The following MARCHF1 variants were observed in gnomAD, a reference collection of about 807,000 sequenced individuals.
MARCHF1 encodes the protein membrane associated ring-CH-type finger 1, also known as E3 ubiquitin-protein ligase MARCHF1.
MARCHF1 carries 40 observed loss-of-function variants against 54.2 expected under a neutral mutation model. The ratio of observed to expected loss-of-function variants is 0.74; its 90% CI spans 0.57 to 0.96. The LOEUF (loss-of-function observed/expected upper bound fraction) is 0.96, where lower values mean the gene tolerates loss of function less well. Ranked by LOEUF, MARCHF1 falls within the 40% of genes least tolerant of loss-of-function variation. The pLI is 0.00. For missense variants in MARCHF1, 586 were observed against 656.5 expected, an observed-to-expected ratio of 0.89 and a Z score of 1.17; for synonymous variants, 236 against 236.3, an observed-to-expected ratio of 1.00 and a Z score of 0.01.
At chr4:164,328,281 A>C (rs1284982523) in intron 1 of MARCHF1, among the ~76,000 whole-genome samples, 1 of 152,208 alleles carries the variant, frequency 6.6e-6, no homozygotes, top group Non-Finnish European at 1.5e-5. Context: ...ACTTTTTGAC[A>C]CACAAACAGC....
At chr4:163,988,250 A>G (rs1752907191) in intron 3 of MARCHF1, among the ~76,000 whole-genome samples, 1 of 152,210 alleles carries the variant, frequency 6.6e-6, no homozygotes, top group East Asian at 1.9e-4. Flanking sequence ...TGTTTAGAAA[A>G]AGAGGCAAAA....
intron 1 of MARCHF1, among the ~76,000 whole-genome samples, chr4:164,182,532 C>A (rs1025328823): frequency 5.3e-5 from 8 of 151,780 alleles, no homozygotes; most frequent in Non-Finnish European, 8.8e-5. Context: ...TCCTTCCATC[C>A]TTCCTTCCTT....
rs150650389 is a variant in MARCHF1 at position 163,726,882 on chromosome 4, G to A, written c.112-26019C>T. 2.9e-4 allele frequency among the ~76,000 whole-genome samples: 44 copies of A among 152,264 alleles called. No homozygotes were observed. In the East Asian group the frequency reaches 6.9e-3, roughly 24 times the overall value. Reference sequence around the variant, plus strand: ...CTCTTCATATGCTTATTTGCCATCTGTTCATGTATTTGGCCCATTTTTAAT... The same window carrying A: ...CTCTTCATATGCTTATTTGCCATCTATTCATGTATTTGGCCCATTTTTAAT... On this transcript the variant is annotated intron_variant, in intron 4 of 9. Transcript: ENST00000514618.
intron 5 of MARCHF1, among the ~76,000 whole-genome samples, chr4:163,636,369 C>T (rs1742324439): frequency 7.0e-6 from 1 of 142,552 alleles, no homozygotes; most frequent in South Asian, 2.3e-4. Context: ...CCAAAGTCTC[C>T]TTAAGCTGAT....
chr4:164,362,165 A>G (rs1185330553), intron 1 of MARCHF1, among the ~76,000 whole-genome samples: 1 of 152,178 alleles, frequency 6.6e-6, no homozygotes, highest in Non-Finnish European at 1.5e-5. Flanking sequence ...ACTGGCTTGT[A>G]TAGAAAACCT....
At chr4:164,254,028 G>A (rs372812086) in intron 1 of MARCHF1, among the ~76,000 whole-genome samples, 46 of 152,258 alleles carry the variant, frequency 3.0e-4, no homozygotes, top group African/African-American at 1.1e-3. Flanking sequence ...ACTGAAAAGA[G>A]ATAATATGAA....
At chr4:164,205,701 C>G (rs1395924551) in intron 1 of MARCHF1, among the ~76,000 whole-genome samples, 1 of 150,774 alleles carries the variant, frequency 6.6e-6, no homozygotes, top group East Asian at 2.0e-4. Context: ...GCTCTTACTA[C>G]CCAAGGTTGA....
chr4:163,537,429 T>C (rs1738572299), intron 9 of MARCHF1, among the ~76,000 whole-genome samples: 3 of 152,204 alleles, frequency 2.0e-5, no homozygotes, highest in Admixed American at 2.0e-4. Context: ...TCCTCAGTCA[T>C]ATATAAAGCT....
intron 1 of MARCHF1, among the ~76,000 whole-genome samples, chr4:164,337,834 A>C (rs1055299749): frequency 6.6e-6 from 1 of 152,212 alleles, no homozygotes; most frequent in African/African-American, 2.4e-5. Context: ...CTGGGGGAAA[A>C]AAAAATGAAA....
intron 1 of MARCHF1, among the ~76,000 whole-genome samples, chr4:164,263,116 C>A (rs1223156689): frequency 6.0e-5 from 9 of 150,126 alleles, no homozygotes; most frequent in Non-Finnish European, 1.2e-4. Context: ...AGCTATTTTT[C>A]AAGGTACATG....
chr4:164,371,407 A>C (rs1387529644), intron 1 of MARCHF1, among the ~76,000 whole-genome samples: 1 of 152,252 alleles, frequency 6.6e-6, no homozygotes, highest in African/African-American at 2.4e-5. Flanking sequence ...ACTGAGCATA[A>C]CAAAATTTCA....
intron 1 of MARCHF1, among the ~76,000 whole-genome samples, chr4:164,182,301 C>A (rs1198613000): frequency 9.0e-6 from 1 of 111,614 alleles, no homozygotes; most frequent in Non-Finnish European, 1.7e-5. Context: ...CTAAACTTGA[C>A]TAATAAATAT....
At chr4:163,550,511 T>C (rs866061896) in intron 8 of MARCHF1, among the ~76,000 whole-genome samples, 8,067 of 127,384 alleles carry the variant, frequency 0.063, 303 homozygotes, top group Middle Eastern at 0.11. Flanking sequence ...GTAGCCCTTT[T>C]TTTTTTTTTT....
At chr4:164,028,905 T>C (rs572654799) in intron 2 of MARCHF1, among the ~76,000 whole-genome samples, 9 of 152,324 alleles carry the variant, frequency 5.9e-5, no homozygotes, top group South Asian at 2.1e-4. Context: ...TGTGGTCATA[T>C]AGACTTCAGT....
intron 5 of MARCHF1, among the ~76,000 whole-genome samples, chr4:163,662,479 T>A (rs1743375715): frequency 6.6e-6 from 1 of 152,056 alleles, no homozygotes; most frequent in African/African-American, 2.4e-5. Context: ...ATTTTTTATT[T>A]CTGCTCTCAT....
chr4:164,025,916 A>G (rs1020299884), intron 2 of MARCHF1, among the ~76,000 whole-genome samples: 1 of 152,068 alleles, frequency 6.6e-6, no homozygotes, highest in African/African-American at 2.4e-5. Flanking sequence ...AGAAATATAA[A>G]AGATTATCAG....
intron 4 of MARCHF1, among the ~76,000 whole-genome samples, chr4:163,716,007 T>C (rs1446397316): frequency 6.6e-6 from 1 of 152,172 alleles, no homozygotes; most frequent in African/African-American, 2.4e-5. Flanking sequence ...TGCAAGAAGA[T>C]GGATATGTGC....
intron 4 of MARCHF1, among the ~76,000 whole-genome samples, chr4:163,738,933 T>A (rs1045815300): frequency 3.3e-5 from 5 of 152,180 alleles, no homozygotes. Flanking sequence ...CTGCTGCCCA[T>A]ACCCAAGACT....
chr4:164,164,108 A>G (rs1320042429), intron 1 of MARCHF1, among the ~76,000 whole-genome samples: 1 of 152,016 alleles, frequency 6.6e-6, no homozygotes, highest in African/African-American at 2.4e-5. Context: ...TAATAGCACT[A>G]AACATCTATA....
Sources: gnomAD v4.1 joint callset for allele counts (sites outside exome capture counted in the v4.1 genomes callset) on GRCh38, gnomAD v4.1.1 for gene constraint, MANE v1.5 for transcripts, NCBI Gene and HGNC (gene_info 2026-07-23, HGNC 2026-07-21) for gene names.